FRMD4A: variants seen among roughly 807,000 people sequenced by gnomAD.
FRMD4A encodes FERM domain containing 4A, also known as FERM domain-containing protein 4A.
Under a neutral mutation model 129.1 loss-of-function variants are expected in FRMD4A, and 29 were observed. The ratio of observed to expected loss-of-function variants is 0.22; its 90% CI spans 0.17 to 0.31. The LOEUF (loss-of-function observed/expected upper bound fraction) is 0.31, where lower values mean the gene tolerates loss of function less well. FRMD4A is among the 10% of genes least tolerant of loss of function. The probability of loss-of-function intolerance (pLI) is 1.00; values close to 1 mark genes in which losing one functional copy is unlikely to be tolerated. For missense variants in FRMD4A, 1,272 were observed against 1,375.8 expected (o/e 0.92, Z 1.19); for synonymous variants, 634 against 571.6 (o/e 1.11, Z -1.56).
chr10:14,138,714 C>T (rs1036923362), intron 2 of FRMD4A, among the ~76,000 whole-genome samples: 21 of 150,994 alleles, frequency 1.4e-4, no homozygotes, highest in South Asian at 8.4e-4. Context: ...GAGCCGAGAT[C>T]GCACCACTGC....
chr10:13,853,882 C>T (rs113964259), intron 3 of FRMD4A, among the ~76,000 whole-genome samples: 1 of 148,002 alleles, frequency 6.8e-6, no homozygotes, highest in African/African-American at 2.5e-5. Context: ...GGAAGAAATT[C>T]GGCCAACCAT....
chr10:14,055,651 C>T (rs1193417122), intron 2 of FRMD4A, among the ~76,000 whole-genome samples: 1 of 152,164 alleles, frequency 6.6e-6, no homozygotes, highest in African/African-American at 2.4e-5. Flanking sequence ...TTTTAAAACA[C>T]CAACTTTATT....
intron 4 of FRMD4A, among the ~76,000 whole-genome samples, chr10:13,798,622 CAGG>C (rs1217085872): frequency 1.3e-5 from 2 of 151,978 alleles, no homozygotes; most frequent in African/African-American, 4.8e-5. Context: ...GAGGCTGAAG[CAGG>C]AGAATGGCAT....
intron 2 of FRMD4A, among the ~76,000 whole-genome samples, chr10:13,936,358 C>T (rs1276326975): frequency 6.6e-6 from 1 of 152,178 alleles, no homozygotes; most frequent in Admixed American, 6.5e-5. Context: ...GGACCAGTCT[C>T]CTATTCATCT....
At chr10:13,947,606 G>C (rs529849639) in intron 2 of FRMD4A, among the ~76,000 whole-genome samples, 2 of 147,384 alleles carry the variant, frequency 1.4e-5, no homozygotes, top group East Asian at 2.0e-4. Flanking sequence ...ACACACACAC[G>C]TGCACACACA....
intron 3 of FRMD4A, among the ~76,000 whole-genome samples, chr10:13,848,842 G>A (rs1375786300): frequency 1.3e-5 from 2 of 152,158 alleles, no homozygotes; most frequent in Admixed American, 1.3e-4. Context: ...AGGGGGAAAC[G>A]ACTTAGCTGC....
chr10:14,127,136 G>A (rs1352127952), intron 2 of FRMD4A, among the ~76,000 whole-genome samples: 1 of 152,210 alleles, frequency 6.6e-6, no homozygotes, highest in East Asian at 1.9e-4. Context: ...GAGGGAGGCA[G>A]GAAAGTCTGC....
At chr10:14,080,119 G>A (rs1443512903) in intron 2 of FRMD4A, among the ~76,000 whole-genome samples, 1 of 152,136 alleles carries the variant, frequency 6.6e-6, no homozygotes, top group African/African-American at 2.4e-5. Context: ...AAAAGGAGAG[G>A]TGCCTGCAGC....
intron 8 of FRMD4A, among the ~76,000 whole-genome samples, chr10:13,750,109 G>GAAAGAAAGAAAGAAAGA (rs59377985): frequency 5.4e-5 from 4 of 73,604 alleles, no homozygotes; most frequent in Admixed American, 1.5e-4. Flanking sequence ...AGAAAGAAAT[G>GAAAGAAAGAAAGAAAGA]AAGAAAGAAA....
intron 8 of FRMD4A, among the ~76,000 whole-genome samples, chr10:13,753,055 C>T (rs914988849): frequency 6.6e-6 from 1 of 152,316 alleles, no homozygotes; most frequent in Non-Finnish European, 1.5e-5. Context: ...GATATACATA[C>T]GTGGCTCTCT....
intron 2 of FRMD4A, among the ~76,000 whole-genome samples, chr10:13,873,592 G>T (rs1375032236): frequency 6.6e-6 from 1 of 152,168 alleles, no homozygotes; most frequent in African/African-American, 2.4e-5. Context: ...TTTCGCCCAG[G>T]CTGGAGTGCA....
chr10:13,920,470 A>G (rs2095058822), intron 2 of FRMD4A, among the ~76,000 whole-genome samples: 1 of 152,216 alleles, frequency 6.6e-6, no homozygotes, highest in Non-Finnish European at 1.5e-5. Flanking sequence ...GCAGATTTTT[A>G]AGGTGATTAT....
chr10:14,214,350 AG>A (rs1165007285), intron 2 of FRMD4A, among the ~76,000 whole-genome samples: 2 of 152,308 alleles, frequency 1.3e-5, no homozygotes, highest in African/African-American at 4.8e-5. Context: ...ATGAAGTCCC[AG>A]GCTGGGAGTT....
chr10:14,092,201 A>C (rs1836700217), intron 2 of FRMD4A, among the ~76,000 whole-genome samples: 1 of 152,138 alleles, frequency 6.6e-6, no homozygotes, highest in Non-Finnish European at 1.5e-5. Flanking sequence ...TGAACCGGCT[A>C]CTAGGGGCAC....
chr10:13,648,077 C>G (rs2081262066), intron 24 of FRMD4A: 1 of 152,192 alleles, frequency 6.6e-6, no homozygotes, highest in Non-Finnish European at 1.5e-5. Flanking sequence ...ATTTGCTAAC[C>G]TCTCTAGGAA....
At chr10:14,069,601 T>A (rs1051566821) in intron 2 of FRMD4A, among the ~76,000 whole-genome samples, 3 of 152,182 alleles carry the variant, frequency 2.0e-5, no homozygotes, top group Non-Finnish European at 2.9e-5. Context: ...AAAGCTAAAT[T>A]TAGTAAGCTT....
chr10:14,167,204 T>C (rs1397489070), intron 2 of FRMD4A, among the ~76,000 whole-genome samples: 1 of 152,114 alleles, frequency 6.6e-6, no homozygotes, highest in Non-Finnish European at 1.5e-5. Context: ...AGAAAATAAG[T>C]ACGTCATATA....
At chr10:13,790,437 A>G (rs890221182) in intron 5 of FRMD4A, among the ~76,000 whole-genome samples, 6 of 152,170 alleles carry the variant, frequency 3.9e-5, no homozygotes, top group African/African-American at 1.4e-4. Context: ...AAATCACACC[A>G]GGGGAAGGTG....
At chr10:14,310,414 C>T (rs1162664283) in intron 2 of FRMD4A, among the ~76,000 whole-genome samples, 3 of 152,100 alleles carry the variant, frequency 2.0e-5, no homozygotes, top group Non-Finnish European at 4.4e-5. Context: ...AAAAGCAGCC[C>T]CAGAGTAATT....
Sources: allele counts gnomAD v4.1 joint callset (sites outside exome capture counted in the v4.1 genomes callset), GRCh38; gene constraint gnomAD v4.1.1; transcripts MANE v1.5; gene names NCBI Gene and HGNC (gene_info 2026-07-23, HGNC 2026-07-21).